EYA4: variants seen among roughly 807,000 people sequenced by gnomAD.
The protein encoded by EYA4 is protein phosphatase EYA4.
In EYA4, 31 loss-of-function variants were observed where a neutral mutation model predicts 87.9. The ratio of observed to expected loss-of-function variants is 0.35; its 90% CI spans 0.27 to 0.48. The LOEUF (loss-of-function observed/expected upper bound fraction) is 0.48, where lower values mean the gene tolerates loss of function less well. EYA4 is among the 20% of genes least tolerant of loss of function. The pLI is 0.99. For synonymous variants in EYA4, 263 were observed against 270.6 expected, an observed-to-expected ratio of 0.97 and a Z score of 0.28; for missense variants, 678 against 761.4, an observed-to-expected ratio of 0.89 and a Z score of 1.29.
chr6:133,384,581 A>G (rs977967580), intron 3 of EYA4, among the ~76,000 whole-genome samples: 5 of 152,212 alleles, frequency 3.3e-5, no homozygotes, highest in Non-Finnish European at 5.9e-5. Context: ...AAGAAGACCT[A>G]GAGTCATTTG....
At chr6:133,398,611 T>G (rs1172754636) in intron 3 of EYA4, among the ~76,000 whole-genome samples, 3 of 152,200 alleles carry the variant, frequency 2.0e-5, no homozygotes, top group Non-Finnish European at 2.9e-5. Flanking sequence ...GTTTTTTATT[T>G]CAAGGACTTC....
intron 1 of EYA4, among the ~76,000 whole-genome samples, chr6:133,272,722 G>A (rs1776803269): frequency 6.6e-6 from 1 of 152,126 alleles, no homozygotes; most frequent in African/African-American, 2.4e-5. Context: ...AGCACCATTG[G>A]ATCTGCTGGA....
At chr6:133,456,205 A>G (rs2128643365) in intron 5 of EYA4, among the ~76,000 whole-genome samples, 1 of 152,322 alleles carries the variant, frequency 6.6e-6, no homozygotes, top group Middle Eastern at 3.4e-3. Context: ...TTTCTTTGGT[A>G]TAATTTTAAT....
At chr6:133,451,776 A>G (rs1436967926) in intron 5 of EYA4, among the ~76,000 whole-genome samples, 2 of 152,168 alleles carry the variant, frequency 1.3e-5, no homozygotes, top group African/African-American at 2.4e-5. Flanking sequence ...CTTCAAAGAA[A>G]AGGTTTGGGG....
At chr6:133,500,692 C>T (rs1029244861) in intron 13 of EYA4, among the ~76,000 whole-genome samples, 27 of 152,152 alleles carry the variant, frequency 1.8e-4, no homozygotes, top group Non-Finnish European at 2.4e-4. Context: ...ACCCTGGTTC[C>T]GTGCTCCCTC....
At chr6:133,487,095 T>C (rs898048672) in intron 13 of EYA4, among the ~76,000 whole-genome samples, 7 of 152,060 alleles carry the variant, frequency 4.6e-5, no homozygotes, top group African/African-American at 1.7e-4. Context: ...GAGGGAGAGC[T>C]CAGTGAGTGT....
At chr6:133,394,298 T>TTTG (rs1787592511) in intron 3 of EYA4, among the ~76,000 whole-genome samples, 2 of 126,414 alleles carry the variant, frequency 1.6e-5, no homozygotes, top group African/African-American at 5.9e-5. Flanking sequence ...TTTTTTTTTT[T>TTTG]TTTTTTTTTT....
chr6:133,247,005 G>C (rs1473126550), intron 1 of EYA4: 1 of 151,990 alleles, frequency 6.6e-6, no homozygotes, highest in African/African-American at 2.4e-5. Flanking sequence ...GGTGGTACCT[G>C]AACATTTTGT....
chr6:133,485,495 G>A (rs1233971079), intron 13 of EYA4, among the ~76,000 whole-genome samples: 2 of 152,210 alleles, frequency 1.3e-5, no homozygotes, highest in African/African-American at 4.8e-5. Flanking sequence ...CACACAACCA[G>A]TCAGTGGCAG....
At chr6:133,359,270 C>T (rs1784293200) in intron 2 of EYA4, among the ~76,000 whole-genome samples, 1 of 152,152 alleles carries the variant, frequency 6.6e-6, no homozygotes. Flanking sequence ...AAGCTCCAGC[C>T]TCCTTTGACC....
chr6:133,270,085 G>A (rs1776561810), intron 1 of EYA4, among the ~76,000 whole-genome samples: 2 of 152,170 alleles, frequency 1.3e-5, no homozygotes, highest in Admixed American at 1.3e-4. Context: ...GATTAAGGGT[G>A]GATCTGCCTT....
chr6:133,311,044 T>G (rs1209323615), intron 2 of EYA4, among the ~76,000 whole-genome samples: 7 of 152,188 alleles, frequency 4.6e-5, no homozygotes, highest in Non-Finnish European at 1.0e-4. Context: ...ATTTCAAGCC[T>G]AAACCTAGGT....
chr6:133,466,116 C>G (rs117866361), intron 10 of EYA4, among the ~76,000 whole-genome samples: 42 of 152,000 alleles, frequency 2.8e-4, no homozygotes, highest in Non-Finnish European at 5.0e-4. Flanking sequence ...AGGATTCAGT[C>G]CTCCGAAAGA....
chr6:133,296,430 T>C lies in EYA4; in HGVS notation c.33+21617T>C, dbSNP rs570354532. On this transcript the variant is annotated intron_variant, in intron 2 of 19. Coordinates refer to ENST00000355286, the MANE Select transcript of EYA4 (RefSeq NM_004100.5). ...AATGGGGAAGGATCCAGGAGACCAG[T>C]TGGGAGGCTGTTGCAGTAGTTCAGG... is the stretch of plus-strand genomic sequence containing the variant. Among the ~76,000 whole-genome samples, 35 of 152,176 alleles carry C rather than the reference T, an allele frequency of 2.3e-4. 1 individual carries two copies. Among genetic ancestry groups the C allele is most frequent in the Middle Eastern group, 6.8e-3 (2 of 294 alleles).
intron 13 of EYA4, among the ~76,000 whole-genome samples, chr6:133,483,698 GTTATTATTATTA>G (rs71545064): frequency 8.5e-4 from 114 of 134,392 alleles, no homozygotes; most frequent in Admixed American, 2.4e-3. Flanking sequence ...TTATTTCATT[GTTATTATTATTA>G]TTATTATTAT....
At chr6:133,354,392 A>G (rs184876985) in intron 2 of EYA4, among the ~76,000 whole-genome samples, 3 of 152,268 alleles carry the variant, frequency 2.0e-5, no homozygotes, top group Non-Finnish European at 2.9e-5. Flanking sequence ...AAGTCATAGC[A>G]ATAATAATTG....
At chr6:133,394,381 G>A (rs1227037856) in intron 3 of EYA4, among the ~76,000 whole-genome samples, 1 of 126,164 alleles carries the variant, frequency 7.9e-6, no homozygotes, top group African/African-American at 3.1e-5. Flanking sequence ...ACAAATACTT[G>A]TCTTGCTTGG....
intron 3 of EYA4, among the ~76,000 whole-genome samples, chr6:133,397,421 C>A (rs188831287): frequency 2.6e-5 from 4 of 152,286 alleles, no homozygotes; most frequent in Non-Finnish European, 5.9e-5. Context: ...TGCATTCCAT[C>A]TAGCAAATTC....
intron 2 of EYA4, among the ~76,000 whole-genome samples, chr6:133,283,625 T>C (rs1484602483): frequency 6.6e-6 from 1 of 152,184 alleles, no homozygotes; most frequent in Non-Finnish European, 1.5e-5. Context: ...GCTTGGAAGC[T>C]ATGCTGATGG....
Sources: allele counts gnomAD v4.1 joint callset (sites outside exome capture counted in the v4.1 genomes callset), GRCh38; gene constraint gnomAD v4.1.1; transcripts MANE v1.5; gene names NCBI Gene and HGNC (gene_info 2026-07-23, HGNC 2026-07-21).